FAAH2: variants seen among roughly 807,000 people sequenced by gnomAD.
FAAH2 encodes the protein fatty-acid amide hydrolase 2.
A neutral mutation model predicts 36.9 loss-of-function variants in FAAH2; 60 were observed. The observed-to-expected ratio is 1.63, with a 90% CI of 1.32 to 2.02. The LOEUF (loss-of-function observed/expected upper bound fraction) is 2.02, where lower values mean the gene tolerates loss of function less well. Ranked by LOEUF, FAAH2 falls within the 30% of genes most tolerant of loss-of-function variation. The pLI is 0.00. For synonymous variants in FAAH2, 214 were observed against 143.8 expected, an observed-to-expected ratio of 1.49 and a Z score of -3.49; for missense variants, 689 against 397.5, an observed-to-expected ratio of 1.73 and a Z score of -6.23.
chrX:57,129,535 C>T, the FAAH2 span, among the ~76,000 whole-genome samples: 1 of 112,158 alleles, frequency 8.9e-6, no homozygotes, highest in Admixed American at 9.4e-5. Context: ...AATGTAATCA[C>T]ATTTAAAAAA....
At chrX:57,438,674 A>G (rs1186273079) in intron 8 of FAAH2, among the ~76,000 whole-genome samples, 1 of 109,542 alleles carries the variant, frequency 9.1e-6, no homozygotes, top group Non-Finnish European at 1.9e-5. Context: ...ATATGTATAC[A>G]TGTGCCATGT....
the FAAH2 span, among the ~76,000 whole-genome samples, chrX:57,185,427 T>C: frequency 1.8e-5 from 2 of 111,047 alleles, no homozygotes; most frequent in African/African-American, 3.3e-5. Flanking sequence ...TTTATTTTTA[T>C]GGCTGAATAG....
chrX:57,342,975 A>G (rs2053724258), intron 5 of FAAH2, among the ~76,000 whole-genome samples: 1 of 111,869 alleles, frequency 8.9e-6, no homozygotes, highest in Admixed American at 9.5e-5. Context: ...TTATGGCTGC[A>G]TAGTATTTCA....
chrX:57,368,452 G>A lies in FAAH2; in HGVS notation c.743-10199G>A, dbSNP rs542348355. Among the ~76,000 whole-genome samples, 24 of 111,173 alleles carry A rather than the reference G, an allele frequency of 2.2e-4. No individual in the cohort carries two copies. In the South Asian group the frequency reaches 9.0e-3, roughly 42 times the overall value. ...ACAGCAGACAAGCAGAGGACCAGCT[G>A]TATGCTCTCTTGGCACACAAAAGAG... On this transcript the variant is annotated intron_variant, in intron 5 of 10. Transcript: ENST00000374900.
At chrX:57,319,084 G>A (rs778793607) in intron 3 of FAAH2, among the ~76,000 whole-genome samples, 1 of 111,894 alleles carries the variant, frequency 8.9e-6, no homozygotes, top group African/African-American at 3.2e-5. Flanking sequence ...GGCAAAAACT[G>A]GAAGCATTCC....
chrX:57,164,892 T>C, the FAAH2 span, among the ~76,000 whole-genome samples: 1 of 112,576 alleles, frequency 8.9e-6, no homozygotes, highest in African/African-American at 3.2e-5. Context: ...ACTCATACCA[T>C]TTTGGTGGAA....
intron 5 of FAAH2, among the ~76,000 whole-genome samples, chrX:57,349,192 TATATAC>T (rs1383587659): frequency 1.4e-4 from 13 of 93,315 alleles, no homozygotes; most frequent in East Asian, 9.6e-4. Context: ...CATATATGTA[TATATAC>T]ATATACATAT....
chrX:57,227,909 T>C, the FAAH2 span, among the ~76,000 whole-genome samples: 1 of 110,854 alleles, frequency 9.0e-6, no homozygotes, highest in Admixed American at 9.5e-5. Context: ...GTCATACAGG[T>C]TGTCAGGGAA....
At chrX:57,419,184 G>A (rs903154798) in intron 7 of FAAH2, among the ~76,000 whole-genome samples, 3 of 111,054 alleles carry the variant, frequency 2.7e-5, no homozygotes, top group African/African-American at 9.9e-5. Flanking sequence ...ACATATATGT[G>A]CATGTGTCTT....
intron 5 of FAAH2, among the ~76,000 whole-genome samples, chrX:57,342,041 A>G (rs989717214): frequency 1.8e-5 from 2 of 112,087 alleles, no homozygotes; most frequent in Non-Finnish European, 3.8e-5. Context: ...TAGTCTAATA[A>G]ATATAATTGT....
At chrX:57,284,187 T>C (rs2051779150), upstream of FAAH2, among the ~76,000 whole-genome samples, 1 of 111,696 alleles carries the variant, frequency 9.0e-6, no homozygotes, top group African/African-American at 3.3e-5. Flanking sequence ...CCCAAGCTAA[T>C]GGGCCTTATC....
chrX:57,258,827 G>A, the FAAH2 span, among the ~76,000 whole-genome samples: 3 of 106,236 alleles, frequency 2.8e-5, no homozygotes, highest in Non-Finnish European at 3.9e-5. Flanking sequence ...TCCTGCCTCA[G>A]CCTCCGAAGT....
chrX:57,220,423 G>T, the FAAH2 span, among the ~76,000 whole-genome samples: 3 of 110,645 alleles, frequency 2.7e-5, no homozygotes, highest in South Asian at 1.1e-3. Flanking sequence ...ACTCAACCGC[G>T]CTTTCCCCTT....
At chrX:57,284,629 A>G (rs555030814), upstream of FAAH2, among the ~76,000 whole-genome samples, 1 of 112,046 alleles carries the variant, frequency 8.9e-6, no homozygotes, top group African/African-American at 3.2e-5. Flanking sequence ...GAAAACAGGT[A>G]GTCGATTCAT....
At chrX:57,383,044 T>G (rs186141166) in intron 7 of FAAH2, among the ~76,000 whole-genome samples, 1 of 111,746 alleles carries the variant, frequency 8.9e-6, no homozygotes. Context: ...ATAAACGTAA[T>G]CCAGCATATA....
chrX:57,174,562 G>T, the FAAH2 span, among the ~76,000 whole-genome samples: 4 of 110,565 alleles, frequency 3.6e-5, no homozygotes, highest in Admixed American at 9.6e-5. Context: ...ATTAATTTTT[G>T]GGGGGAATCA....
intron 9 of FAAH2, 46 bp from the exon 10 acceptor site, chrX:57,448,478 A>G (rs971466698): frequency 9.1e-7 from 1 of 1,094,584 alleles, no homozygotes; most frequent in Non-Finnish European, 1.2e-6. Context: ...CTAGGAATTA[A>G]AATGAAGTTT....
At chrX:57,261,662 C>T in the FAAH2 span, among the ~76,000 whole-genome samples, 1 of 108,216 alleles carries the variant, frequency 9.2e-6, no homozygotes, top group Non-Finnish European at 1.9e-5. Flanking sequence ...TTAATTGTTG[C>T]CAGGGATGGG....
chrX:57,457,921 A>AT (rs2056890034), intron 10 of FAAH2, among the ~76,000 whole-genome samples: 2 of 112,067 alleles, frequency 1.8e-5, no homozygotes. Flanking sequence ...TATTAATGCC[A>AT]TTTTTACAAA....
Sources: allele counts gnomAD v4.1 joint callset (sites outside exome capture counted in the v4.1 genomes callset), GRCh38; gene constraint gnomAD v4.1.1; transcripts MANE v1.5; gene names NCBI Gene and HGNC (gene_info 2026-07-23, HGNC 2026-07-21).